Variants in ABTB3 observed in about 807,000 individuals in gnomAD.
The protein encoded by ABTB3 is ankyrin repeat and BTB domain containing 3.
the ABTB3 span, chr12:107,620,186 T>C: frequency 1.9e-6 from 3 of 1,612,000 alleles, no homozygotes; most frequent in Non-Finnish European, 1.7e-6. Flanking sequence ...TTGAGGTTGT[T>C]GTGGTCATCG....
At chr12:107,446,456 T>C in the ABTB3 span, among the ~76,000 whole-genome samples, 1 of 152,150 alleles carries the variant, frequency 6.6e-6, no homozygotes, top group Non-Finnish European at 1.5e-5. Context: ...TTTTATAAAT[T>C]ACAGAGATTG....
chr12:107,435,998 A>G, the ABTB3 span, among the ~76,000 whole-genome samples: 1 of 152,244 alleles, frequency 6.6e-6, no homozygotes, highest in Admixed American at 6.5e-5. Context: ...ATGCCTGACT[A>G]GTGGGTGCCA....
the ABTB3 span, among the ~76,000 whole-genome samples, chr12:107,523,730 C>T: frequency 1.3e-5 from 2 of 152,156 alleles, no homozygotes; most frequent in Admixed American, 6.5e-5. Context: ...TCGGGGCGTT[C>T]AGAGGCAGAA....
chr12:107,386,114 G>A, the ABTB3 span, among the ~76,000 whole-genome samples: 1 of 152,078 alleles, frequency 6.6e-6, no homozygotes, highest in Non-Finnish European at 1.5e-5. Context: ...CCTGCCTCAG[G>A]GCCTTTGCCC....
chr12:107,601,274 G>C, the ABTB3 span, among the ~76,000 whole-genome samples: 1 of 152,174 alleles, frequency 6.6e-6, no homozygotes, highest in Admixed American at 6.5e-5. Context: ...AGCCTCTCCT[G>C]CCTCTGTGAG....
the ABTB3 span, among the ~76,000 whole-genome samples, chr12:107,568,232 T>C: frequency 2.6e-5 from 4 of 152,242 alleles, no homozygotes; most frequent in East Asian, 7.7e-4. Flanking sequence ...AACAGCTTGC[T>C]CATCATTGTA....
At chr12:107,567,606 G>A in the ABTB3 span, among the ~76,000 whole-genome samples, 1 of 152,168 alleles carries the variant, frequency 6.6e-6, no homozygotes, top group Non-Finnish European at 1.5e-5. Flanking sequence ...CCAATCCCCG[G>A]CCCGCAGACC....
chr12:107,420,484 T>C, the ABTB3 span, among the ~76,000 whole-genome samples: 11 of 152,108 alleles, frequency 7.2e-5, no homozygotes, highest in Admixed American at 7.2e-4. Flanking sequence ...ATTAATCATA[T>C]CAGACTTATT....
chr12:107,490,538 A>G, the ABTB3 span, among the ~76,000 whole-genome samples: 1 of 152,126 alleles, frequency 6.6e-6, no homozygotes, highest in East Asian at 1.9e-4. Flanking sequence ...ACCAGGTGAG[A>G]GCCAACCCAG....
chr12:107,655,698 A>G, the ABTB3 span, among the ~76,000 whole-genome samples: 2 of 152,216 alleles, frequency 1.3e-5, no homozygotes, highest in Admixed American at 1.3e-4. Context: ...GTGGGATTTT[A>G]TACAGAGGAG....
chr12:107,392,577 C>A, the ABTB3 span, among the ~76,000 whole-genome samples: 1 of 152,182 alleles, frequency 6.6e-6, no homozygotes, highest in Admixed American at 6.5e-5. Context: ...TCTTTGCCAG[C>A]CTAGCCTTGA....
At chr12:107,395,037 G>T in the ABTB3 span, among the ~76,000 whole-genome samples, 2 of 152,192 alleles carry the variant, frequency 1.3e-5, no homozygotes, top group Non-Finnish European at 2.9e-5. Flanking sequence ...GCCTAGTCCT[G>T]TCTCTGACCA....
At chr12:107,318,869 C>G in the ABTB3 span, 1 of 1,475,108 alleles carries the variant, frequency 6.8e-7, no homozygotes, top group Non-Finnish European at 9.1e-7. Context: ...CCCCGCGCCC[C>G]GCGGCACTCG....
At chr12:107,508,438 C>CTTTTTTTTTTTTTTTGTTTTTTTTTTTT in the ABTB3 span, among the ~76,000 whole-genome samples, 2 of 69,150 alleles carry the variant, frequency 2.9e-5, 1 homozygote, top group Non-Finnish European at 5.5e-5. Flanking sequence ...AAGATCATTT[C>CTTTTTTTTTTTTTTTGTTTTTTTTTTTT]TTTTTTTTTT....
chr12:107,487,827 C>T, the ABTB3 span, among the ~76,000 whole-genome samples: 2 of 152,100 alleles, frequency 1.3e-5, no homozygotes, highest in African/African-American at 4.8e-5. Flanking sequence ...TAGCAAAATA[C>T]AAATGACATT....
chr12:107,386,552 T>C, the ABTB3 span, among the ~76,000 whole-genome samples: 1 of 152,208 alleles, frequency 6.6e-6, no homozygotes, highest in African/African-American at 2.4e-5. Context: ...ATAATGACAT[T>C]GGCCTGGAGG....
the ABTB3 span, among the ~76,000 whole-genome samples, chr12:107,420,252 T>C: frequency 6.6e-6 from 1 of 152,210 alleles, no homozygotes; most frequent in Non-Finnish European, 1.5e-5. Context: ...CCATCTCTCC[T>C]AAACCCTTCT....
chr12:107,502,295 C>G, the ABTB3 span, among the ~76,000 whole-genome samples: 69 of 151,892 alleles, frequency 4.5e-4, no homozygotes, highest in Non-Finnish European at 1.5e-4. Flanking sequence ...GTCTCAAACT[C>G]CTGACCTAAA....
At chr12:107,511,685 G>A in the ABTB3 span, among the ~76,000 whole-genome samples, 4 of 152,112 alleles carry the variant, frequency 2.6e-5, no homozygotes, top group African/African-American at 9.7e-5. Flanking sequence ...TCACAGGCTG[G>A]CCAAGATTTA....
Sources: gnomAD v4.1 joint callset for allele counts (sites outside exome capture counted in the v4.1 genomes callset) on GRCh38, gnomAD v4.1.1 for gene constraint, MANE v1.5 for transcripts, NCBI Gene and HGNC (gene_info 2026-07-23, HGNC 2026-07-21) for gene names.